Variants in LYG1 observed in about 807,000 individuals in gnomAD.
LYG1 encodes the protein lysozyme g1, also known as lysozyme g-like protein 1.
A neutral mutation model predicts 21.7 loss-of-function variants in LYG1; 17 were observed. That is an observed-to-expected ratio of 0.78 (90% CI 0.54 to 1.18). The LOEUF (loss-of-function observed/expected upper bound fraction) is 1.18. Ranked by LOEUF, LYG1 falls within the 50% of genes most tolerant of loss-of-function variation. LYG1 has a pLI of 0.00. For synonymous variants in LYG1, 81 were observed against 87.4 expected (o/e 0.93, Z 0.41); for missense variants, 211 against 238.1 (o/e 0.89, Z 0.75).
At chr2:99,302,305 G>T (rs918930245), upstream of LYG1, among the ~76,000 whole-genome samples, 1 of 152,160 alleles carries the variant, frequency 6.6e-6, no homozygotes, top group Non-Finnish European at 1.5e-5. Flanking sequence ...CACAAGCTCC[G>T]TGAGAGCTGT....
intron 5 of LYG1, among the ~76,000 whole-genome samples, chr2:99,285,380 TA>T (rs199643971): frequency 0.015 from 2,048 of 136,854 alleles, 12 homozygotes; most frequent in African/African-American, 0.026. Context: ...GACCCTGTCT[TA>T]AAAAAAAAAA....
chr2:99,291,285 G>A lies in LYG1; in HGVS notation c.285C>T (p.Pro95=), dbSNP rs150708193. 886 of 1,613,988 alleles carry A rather than the reference G, an allele frequency of 5.5e-4. No individual in the cohort carries two copies. Among genetic ancestry groups the A allele is most frequent in the Non-Finnish European group, 7.1e-4 (837 of 1,180,016 alleles). ...CCATGTTGACCAGAATTTTGTCACC[G>A]GGAGACTTCCTGGACAAGACACCAG... is the stretch of plus-strand genomic sequence containing the variant. The part of the protein sequence containing the change: ...VIAGVLSRKS[P]GDKILVNMGD... The change falls in exon 5 of 7, where the codon CCC becomes CCT. Residue 95 remains proline (P), a synonymous_variant. Coordinates refer to ENST00000308528, the MANE Select transcript of LYG1 (RefSeq NM_174898.3).
At chr2:99,285,956 T>C (rs1384864031) in intron 5 of LYG1, among the ~76,000 whole-genome samples, 1 of 152,200 alleles carries the variant, frequency 6.6e-6, no homozygotes, top group Non-Finnish European at 1.5e-5. Flanking sequence ...TAATCCCCGA[T>C]GTGGCAGTAT....
At chr2:99,293,562 C>T (rs959687581) in intron 3 of LYG1, among the ~76,000 whole-genome samples, 2 of 152,210 alleles carry the variant, frequency 1.3e-5, no homozygotes, top group African/African-American at 2.4e-5. Flanking sequence ...CATGGGATCA[C>T]CCACTTTCCA....
In LYG1 at chr2:99,292,902, C is replaced by T. The variant is rs566362198; in HGVS notation, c.44-262G>A. Among the ~76,000 whole-genome samples, 4 of 151,802 alleles carry T rather than the reference C, an allele frequency of 2.6e-5. No homozygotes were observed. In the South Asian group the frequency reaches 8.3e-4, roughly 32 times the overall value. On this transcript the variant is annotated intron_variant, in intron 3 of 6. Transcript: ENST00000308528. ...TGAAGCAGTTACACTCTTTGTAAAG[C>T]TCTGGTGCCCTTTGATGTTGTCAGG...
intron 5 of LYG1, among the ~76,000 whole-genome samples, chr2:99,287,081 T>C (rs755687452): frequency 1.3e-5 from 2 of 152,194 alleles, no homozygotes; most frequent in East Asian, 1.9e-4. Context: ...AAGCAAAGAA[T>C]AGAATGATGG....
chr2:99,293,480 C>T (rs1001108874), intron 3 of LYG1, among the ~76,000 whole-genome samples: 3 of 152,206 alleles, frequency 2.0e-5, no homozygotes, highest in Non-Finnish European at 2.9e-5. Flanking sequence ...CACTTTCTCT[C>T]AGGTACACTT....
intron 5 of LYG1, among the ~76,000 whole-genome samples, chr2:99,289,294 T>C (rs1444613824): frequency 6.6e-6 from 1 of 151,888 alleles, no homozygotes; most frequent in Non-Finnish European, 1.5e-5. Flanking sequence ...ACCCCATCTC[T>C]ACAAAAAATA....
At chr2:99,284,967 G>A in intron 5 of LYG1, 147 bp from the exon 6 acceptor site, 1 of 1,163,032 alleles carries the variant, frequency 8.6e-7, no homozygotes, top group Non-Finnish European at 1.2e-6. Context: ...TCTCCTGTGA[G>A]GTAGGTTAGA....
chr2:99,290,470 A>G (rs1469126731), intron 5 of LYG1, among the ~76,000 whole-genome samples: 1 of 152,248 alleles, frequency 6.6e-6, no homozygotes, highest in Non-Finnish European at 1.5e-5. Flanking sequence ...AGTATCATAC[A>G]AAAAAGTCAA....
At position 99,284,749 on chromosome 2, in the gene LYG1, A is replaced by G; in HGVS notation, c.405T>C (p.Thr135=). 1 of 1,614,050 alleles carries G rather than the reference A, an allele frequency of 6.2e-7. No homozygotes were observed. The highest frequency in any genetic ancestry group is 1.1e-5 in the South Asian group (1 of 91,078). The part of the protein sequence containing the change: ...SQVSQTTEVL[T]TRIKEIQRRF... The stretch of plus-strand genomic sequence containing the variant: ...TCCTCTGGATTTCTTTGATTCTAGT[A>G]GTCAGAACTTCAGTTGTCTGGGAAA... Residue 135 remains threonine, a synonymous_variant, in exon 6 of 7, where the codon ACT becomes ACC. Coordinates refer to ENST00000308528, the MANE Select transcript of LYG1 (RefSeq NM_174898.3).
chr2:99,284,319 G>A lies in LYG1; in HGVS notation c.*74C>T. ...CAAACTCAGATTCCCAGTTACAGGT[G>A]CCCTTGGCTAGTTTTATCTGTGTAA... is the stretch of plus-strand genomic sequence containing the variant. On this transcript the variant is annotated 3_prime_UTR_variant, in exon 7 of 7. Transcript: ENST00000308528. 1 of 1,274,718 alleles carries A rather than the reference G, an allele frequency of 7.8e-7. No homozygotes were observed. The highest frequency in any genetic ancestry group is 1.3e-5 in the South Asian group (1 of 77,026). The allele number at this position is 1,274,718 out of a possible 1,614,324, so 79.0% of individuals were successfully genotyped here. A position where few individuals can be genotyped will look rare whatever the true frequency, so the allele number is the denominator to read the frequency against.
At chr2:99,300,600 T>C (rs1370708184) in intron 1 of LYG1, among the ~76,000 whole-genome samples, 1 of 152,068 alleles carries the variant, frequency 6.6e-6, no homozygotes, top group African/African-American at 2.4e-5. Context: ...CCAATACTCA[T>C]GGTCTATGGG....
In LYG1 at chr2:99,292,520, G is replaced by A. The variant is rs764576133; in HGVS notation, c.148+16C>T. The stretch of plus-strand genomic sequence containing the variant: ...AAGCCGGGGGATAGGTTGAGAGGGC[G>A]AAAGCTCATAGCTACCACAGTAGTT... On this transcript the variant is annotated intron_variant, in intron 4 of 6. Coordinates refer to ENST00000308528, the MANE Select transcript of LYG1 (RefSeq NM_174898.3). 77 of 1,592,010 alleles carry A rather than the reference G, an allele frequency of 4.8e-5. No individual in the cohort carries two copies. In the Middle Eastern group the frequency reaches 5.0e-4, roughly 10 times the overall value.
In LYG1 at chr2:99,295,721, GC is replaced by G. The variant is rs772494477; in HGVS notation, c.-32-20del. On this transcript the variant is annotated intron_variant, in intron 2 of 6. Transcript: ENST00000308528. ...TGAAACACTTTTAAAACAAAAATTAGCTTGAGAATACAAAAATATCAGTCAT... is the reference window on the plus strand; with the variant it reads ...TGAAACACTTTTAAAACAAAAATTAGTTGAGAATACAAAAATATCAGTCAT... 2 of 1,608,562 alleles carry G rather than the reference GC, an allele frequency of 1.2e-6. No individual in the cohort carries two copies. Among genetic ancestry groups the G allele is most frequent in the Non-Finnish European group, 1.7e-6 (2 of 1,175,126 alleles).
intron 4 of LYG1, 59 bp from the exon 5 acceptor site, chr2:99,291,480 T>C (rs2094118177): frequency 1.4e-5 from 22 of 1,537,544 alleles, no homozygotes; most frequent in Non-Finnish European, 1.9e-5. Flanking sequence ...CAACAGGAGC[T>C]CAAGGGGAGA....
At chr2:99,301,721 A>T (rs545154844), upstream of LYG1, among the ~76,000 whole-genome samples, 2 of 150,254 alleles carry the variant, frequency 1.3e-5, no homozygotes, top group East Asian at 4.0e-4. Context: ...GTGTTCCAAA[A>T]AAAAAACTTT....
At chr2:99,291,489 G>T in intron 4 of LYG1, 68 bp from the exon 5 acceptor site, 1 of 1,511,366 alleles carries the variant, frequency 6.6e-7, no homozygotes, top group Non-Finnish European at 9.1e-7. Context: ...CTCAAGGGGA[G>T]AGAGAAAGAA....
At chr2:99,284,580 A>C in intron 6 of LYG1, 69 bp from the exon 7 acceptor site, 1 of 1,592,626 alleles carries the variant, frequency 6.3e-7, no homozygotes, top group East Asian at 2.2e-5. Context: ...CTCTTTACTA[A>C]CTACCTAACA....
Sources: gnomAD v4.1 joint callset for allele counts (sites outside exome capture counted in the v4.1 genomes callset) on GRCh38, gnomAD v4.1.1 for gene constraint, MANE v1.5 for transcripts, NCBI Gene and HGNC (gene_info 2026-07-23, HGNC 2026-07-21) for gene names.